The following ERICH2 variants were observed in gnomAD, a reference collection of about 807,000 sequenced individuals.
The protein encoded by ERICH2 is glutamate rich 2, also known as glutamate-rich protein 2.
Under a neutral mutation model 17.4 loss-of-function variants are expected in ERICH2, and 17 were observed. The ratio of observed to expected loss-of-function variants is 0.98; its 90% CI spans 0.67 to 1.47. The LOEUF (loss-of-function observed/expected upper bound fraction) is 1.47. Ranked by LOEUF, ERICH2 falls within the 40% of genes most tolerant of loss-of-function variation. The pLI is 0.00. For synonymous variants in ERICH2, 51 were observed against 61.1 expected, an observed-to-expected ratio of 0.83 and a Z score of 0.77; for missense variants, 186 against 183.2, an observed-to-expected ratio of 1.01 and a Z score of -0.09.
upstream of ERICH2, chr2:170,783,258 T>C (rs1321148892): frequency 1.3e-5 from 2 of 152,492 alleles, no homozygotes; most frequent in Admixed American, 1.3e-4. Context: ...ACTACTGCAC[T>C]TGACTAGTCT....
intron 2 of ERICH2, among the ~76,000 whole-genome samples, chr2:170,791,255 A>G (rs970129838): frequency 5.3e-5 from 8 of 152,208 alleles, no homozygotes; most frequent in African/African-American, 1.9e-4. Flanking sequence ...TTTTGAAAAT[A>G]TAAGAATTCT....
chr2:170,780,238 C>T (rs1177337534), upstream of ERICH2, among the ~76,000 whole-genome samples: 2 of 152,056 alleles, frequency 1.3e-5, no homozygotes, highest in African/African-American at 4.8e-5. Flanking sequence ...TACTGGTTAC[C>T]TGTTTTTCTT....
chr2:170,793,579 A>G (rs982333987), intron 3 of ERICH2, among the ~76,000 whole-genome samples: 3 of 152,192 alleles, frequency 2.0e-5, no homozygotes, highest in African/African-American at 7.2e-5. Flanking sequence ...GTGCTATGAC[A>G]GGAGTGTGCC....
chr2:170,778,918 T>C (rs1700968087), upstream of ERICH2, among the ~76,000 whole-genome samples: 1 of 152,206 alleles, frequency 6.6e-6, no homozygotes, highest in Non-Finnish European at 1.5e-5. Context: ...ATAAATCAGA[T>C]GCAGTCTAGG....
chr2:170,790,148 C>T (rs1287194051), intron 2 of ERICH2, among the ~76,000 whole-genome samples: 1 of 152,120 alleles, frequency 6.6e-6, no homozygotes, highest in Non-Finnish European at 1.5e-5. Flanking sequence ...AAATTAAAAC[C>T]ACTTAAAACT....
upstream of ERICH2, chr2:170,782,192 A>T: frequency 1.9e-6 from 1 of 536,294 alleles, no homozygotes; most frequent in Non-Finnish European, 2.4e-6. Context: ...TTAAAGCATT[A>T]AACAGAATTA....
intron 2 of ERICH2, among the ~76,000 whole-genome samples, chr2:170,786,863 GTCA>G (rs1168590696): frequency 6.6e-6 from 1 of 151,794 alleles, no homozygotes; most frequent in Non-Finnish European, 1.5e-5. Context: ...TATTATTTCT[GTCA>G]TCATCATGTT....
chr2:170,796,529 A>G (rs6749003), intron 3 of ERICH2, among the ~76,000 whole-genome samples: 142,173 of 150,804 alleles, frequency 0.94, 67,580 homozygotes, highest in East Asian at 1. Flanking sequence ...TCCATCTCCT[A>G]GGTTCATGTC....
rs762028723 is a variant in ERICH2 at position 170,797,588 on chromosome 2, A to C, written c.275-453A>C. 2.6e-5 allele frequency among the ~76,000 whole-genome samples: 4 copies of C among 152,118 alleles called. No individual in the cohort carries two copies. In the South Asian group the frequency reaches 6.2e-4, roughly 24 times the overall value. ...CGAGGTGGGTGGATCACCTGAGGTC[A>C]GGAGTTTGAGACTAGCCTGGGCAAC... On this transcript the variant is annotated intron_variant, in intron 3 of 4. Transcript: ENST00000409885.
At chr2:170,798,952 T>TA in exon 5 of ERICH2, 1 of 1,516,694 alleles carries the variant, frequency 6.6e-7, no homozygotes. Context: ...CATGCAAATA[T>TA]AAAGACAAGT....
At chr2:170,781,350 G>C (rs527288567), upstream of ERICH2, among the ~76,000 whole-genome samples, 1 of 152,078 alleles carries the variant, frequency 6.6e-6, no homozygotes, top group East Asian at 1.9e-4. Flanking sequence ...AAAGAGACTT[G>C]GGGGGCTGGG....
At chr2:170,775,283 AT>A in the ERICH2 span, among the ~76,000 whole-genome samples, 1 of 151,776 alleles carries the variant, frequency 6.6e-6, no homozygotes, top group East Asian at 1.9e-4. Context: ...AAAAAAAAAA[AT>A]AGCCGGATGT....
At chr2:170,772,657 C>G in the ERICH2 span, among the ~76,000 whole-genome samples, 1 of 152,188 alleles carries the variant, frequency 6.6e-6, no homozygotes. Flanking sequence ...ATCCTTGACA[C>G]CATTTGTATA....
At chr2:170,780,001 G>A (rs1426109427), upstream of ERICH2, 1 of 262,380 alleles carries the variant, frequency 3.8e-6, no homozygotes, top group Non-Finnish European at 5.9e-6. Context: ...GAAGTTTTGG[G>A]ACACTAAATA....
At chr2:170,775,038 A>G in the ERICH2 span, among the ~76,000 whole-genome samples, 2 of 152,126 alleles carry the variant, frequency 1.3e-5, no homozygotes, top group South Asian at 2.1e-4. Context: ...TCACCAGGTG[A>G]AAATGGGAGG....
At chr2:170,785,479 C>T (rs1161931531) in intron 2 of ERICH2, among the ~76,000 whole-genome samples, 1 of 152,022 alleles carries the variant, frequency 6.6e-6, no homozygotes, top group East Asian at 1.9e-4. Context: ...CACTGGGCAC[C>T]ATGCTAGTTG....
chr2:170,793,771 T>A (rs1375642833), intron 3 of ERICH2, among the ~76,000 whole-genome samples: 1 of 152,196 alleles, frequency 6.6e-6, no homozygotes, highest in Non-Finnish European at 1.5e-5. Context: ...ATCTACCTTA[T>A]TTTTCTTTTT....
the ERICH2 span, chr2:170,770,872 C>T: frequency 1.3e-5 from 2 of 149,228 alleles, no homozygotes; most frequent in Admixed American, 1.3e-4. Flanking sequence ...CCAGCCCCGC[C>T]CCGGGCCCTC....
At chr2:170,773,973 C>T in the ERICH2 span, among the ~76,000 whole-genome samples, 9 of 152,136 alleles carry the variant, frequency 5.9e-5, no homozygotes, top group East Asian at 5.8e-4. Context: ...CCTCTGGCCT[C>T]GACCTCCCAA....
Sources: gnomAD v4.1 joint callset for allele counts (sites outside exome capture counted in the v4.1 genomes callset) on GRCh38, gnomAD v4.1.1 for gene constraint, MANE v1.5 for transcripts, NCBI Gene and HGNC (gene_info 2026-07-23, HGNC 2026-07-21) for gene names.